Variants in G6PC2 observed in about 807,000 individuals in gnomAD.
The protein encoded by G6PC2 is glucose-6-phosphatase 2.
Under a neutral mutation model 35.4 loss-of-function variants are expected in G6PC2, and 41 were observed. The ratio of observed to expected loss-of-function variants is 1.16; its 90% confidence interval spans 0.90 to 1.50. The LOEUF (loss-of-function observed/expected upper bound fraction) is 1.50, where lower values mean the gene tolerates loss of function less well. G6PC2 is among the 40% of genes most tolerant of loss of function. The pLI, the probability that G6PC2 is intolerant of heterozygous loss-of-function variation, is 0.00. For missense variants in G6PC2, 441 were observed against 426.5 expected (o/e 1.03, Z -0.30); for synonymous variants, 165 against 153.2 (o/e 1.08, Z -0.57).
Position 168,908,587 on chromosome 2 carries a change from G to A in G6PC2, c.*508G>A, listed in dbSNP as rs577396416. ...GAAGCCTATTTAGGTAAAAGAACTT[G>A]CCTGGAGTCACGCCACCTTCAGAGC... On this transcript the variant is annotated 3_prime_UTR_variant, in exon 5 of 5. Coordinates refer to ENST00000375363, the MANE Select transcript of G6PC2 (RefSeq NM_021176.3). 2 of 198,054 alleles carry A rather than the reference G, an allele frequency of 1.0e-5. No individual in the cohort carries two copies. The highest frequency in any genetic ancestry group is 1.9e-4 in the South Asian group (2 of 10,590). The allele number at this position is 198,054 out of a possible 1,614,324, so 12.3% of individuals were successfully genotyped here.
chr2:168,904,463 A>G (rs1283196333), intron 2 of G6PC2, 42 bp from the exon 3 acceptor site: 1 of 969,600 alleles, frequency 1.0e-6, no homozygotes, highest in Non-Finnish European at 1.7e-6. Context: ...TGATCTTGAT[A>G]GTTAACCACT....
In G6PC2 at chr2:168,907,716, C is replaced by T. The variant is rs577070120; in HGVS notation, c.705C>T (p.Ser235=). ...TGCTCAACATTGACCTGCTGTGGTCCGTGCCCATAGCCAAAAAGTGGTGTG... is the reference window on the plus strand; with the variant it reads ...TGCTCAACATTGACCTGCTGTGGTCTGTGCCCATAGCCAAAAAGTGGTGTG... ...LRVLNIDLLW[S]VPIAKKWCAN... is the part of the protein sequence containing the mutation. The change falls in exon 5 of 5, where the codon TCC becomes TCT. Residue 235 remains serine, a synonymous_variant. Transcript: ENST00000375363. The T allele has an allele frequency of 4.9e-5, 79 of 1,614,008 alleles. 1 individual carries two copies. In the South Asian group the frequency reaches 6.6e-4, roughly 13 times the overall value.
rs987709434 is a variant in G6PC2, at chr2:168,909,753, C to T, written c.*1674C>T. 2 of 152,060 alleles carry T rather than the reference C, an allele frequency of 1.3e-5. No homozygotes were observed. Among genetic ancestry groups the T allele is most frequent in the African/African-American group, 2.4e-5 (1 of 41,370 alleles). The allele number at this position is 152,060 out of a possible 1,614,324, so 9.4% of individuals were successfully genotyped here. A position where few individuals can be genotyped will look rare whatever the true frequency, so the allele number is the denominator to read the frequency against. Reference sequence around the variant, plus strand: ...TGTAACTCTTCTCAGAATATCAATACATTAATTATTTTAGATGACATATTA... The same window carrying T: ...TGTAACTCTTCTCAGAATATCAATATATTAATTATTTTAGATGACATATTA... On this transcript the variant is annotated 3_prime_UTR_variant, in exon 5 of 5. Transcript: ENST00000375363.
intron 2 of G6PC2, among the ~76,000 whole-genome samples, 171 bp downstream of exon 2, chr2:168,902,725 A>C (rs1419580182): frequency 2.0e-5 from 3 of 152,240 alleles, no homozygotes; most frequent in Non-Finnish European, 4.4e-5. Context: ...AAAGCAAAAA[A>C]AATACTCAAA....
In G6PC2 at chr2:168,907,699, A is replaced by G. The variant is rs1313943901; in HGVS notation, c.688A>G (p.Ile230Val). Reference sequence around the variant, plus strand: ...TTACCTGCTTCTTAGGGTGCTCAACATTGACCTGCTGTGGTCCGTGCCCAT... The same window carrying G: ...TTACCTGCTTCTTAGGGTGCTCAACGTTGACCTGCTGTGGTCCGTGCCCAT... ...GFYLLLRVLN[I>V]DLLWSVPIAK... is the part of the protein sequence containing the mutation. Residue 230 changes from isoleucine (I) to valine (V), a missense_variant, in exon 5 of 5, where the codon ATT (isoleucine) becomes GTT (valine). Coordinates refer to ENST00000375363, the MANE Select transcript of G6PC2 (RefSeq NM_021176.3). 3.7e-6 allele frequency: 6 copies of G among 1,614,070 alleles called. No individual in the cohort carries two copies. The highest frequency in any genetic ancestry group is 3.3e-5 in the Admixed American group (2 of 60,016).
intron 2 of G6PC2, among the ~76,000 whole-genome samples, chr2:168,902,785 T>C (rs950553352): frequency 2.6e-5 from 4 of 152,184 alleles, no homozygotes; most frequent in South Asian, 4.1e-4. Flanking sequence ...ACTCCCCCAG[T>C]GATTAAATAT....
chr2:168,902,636 A>G (rs1690624941), intron 2 of G6PC2, 82 bp downstream of exon 2: 1 of 774,838 alleles, frequency 1.3e-6, no homozygotes, highest in South Asian at 1.4e-5. Context: ...AGGAACTGAT[A>G]TTATATAGGG....
intron 2 of G6PC2, among the ~76,000 whole-genome samples, chr2:168,903,871 T>C (rs1690653309): frequency 2.0e-5 from 3 of 152,258 alleles, no homozygotes; most frequent in Admixed American, 2.0e-4. Flanking sequence ...CTGCTAGGAT[T>C]AATGCCGTCT....
intron 1 of G6PC2, among the ~76,000 whole-genome samples, chr2:168,901,943 T>C (rs1164749778): frequency 1.3e-5 from 2 of 151,956 alleles, no homozygotes; most frequent in Non-Finnish European, 2.9e-5. Context: ...TCTATGTTGG[T>C]CAGGCTGGTC....
chr2:168,906,430 G>A (rs1015427751), intron 3 of G6PC2, among the ~76,000 whole-genome samples: 1 of 152,024 alleles, frequency 6.6e-6, no homozygotes, highest in Non-Finnish European at 1.5e-5. Context: ...TTAAATCTCA[G>A]TATATAGCAC....
In G6PC2 at chr2:168,906,626, C is replaced by A. The variant is rs539102106; in HGVS notation, c.441-38C>A. 45 of 999,724 alleles carry A rather than the reference C, an allele frequency of 4.5e-5. 1 individual carries two copies. The South Asian group carries it at 5.6e-4, about 12-fold the overall frequency. 61.9% of individuals were successfully genotyped at this position (999,724 alleles called of 1,614,324 possible). ...CCTCTAATTTTGAGTGATCCAGTTTCTTTGCTTTTTATGCTTGTATCTATT... is the reference window on the plus strand; with the variant it reads ...CCTCTAATTTTGAGTGATCCAGTTTATTTGCTTTTTATGCTTGTATCTATT... On this transcript the variant is annotated intron_variant, in intron 3 of 4. Coordinates refer to ENST00000375363, the MANE Select transcript of G6PC2 (RefSeq NM_021176.3).
rs947868999 is a variant in G6PC2 at position 168,907,598 on chromosome 2, C to T, written c.587C>T (p.Thr196Ile). 2.5e-6 allele frequency: 4 copies of T among 1,614,024 alleles called. No individual in the cohort carries two copies. Among genetic ancestry groups the T allele is most frequent in the Middle Eastern group, 3.3e-4 (2 of 6,058 alleles). Residue 196 changes from threonine to isoleucine, a missense_variant, in exon 5 of 5, where the codon ACT becomes ATT. Coordinates refer to ENST00000375363, the MANE Select transcript of G6PC2 (RefSeq NM_021176.3). The stretch of plus-strand genomic sequence containing the variant: ...CTGGTGGCAGAGGCCTTTGAACACA[C>T]TCCAGGCATCCAAACGGCCAGTCTG... ...GMLVAEAFEHTPGIQTASLGT... is the reference protein window; with the variant it reads ...GMLVAEAFEHIPGIQTASLGT...
intron 3 of G6PC2, among the ~76,000 whole-genome samples, chr2:168,905,118 T>G (rs1426491869): frequency 1.3e-5 from 2 of 152,180 alleles, no homozygotes; most frequent in Non-Finnish European, 2.9e-5. Context: ...ACTTTTTAAT[T>G]AAAAACATTC....
chr2:168,902,538 A>G lies in G6PC2; in HGVS notation c.312A>G (p.Thr104=). ...SSPCLEQFPT[T]CETGPGSPSG... is the part of the protein sequence containing the mutation. ...CATGCCTTGAACAGTTCCCTACTAC[A>G]TGTGAAACAGGTCCAGGTAAGCTAT... The change falls in exon 2 of 5, where the codon ACA becomes ACG. Residue 104 remains threonine (T), a synonymous_variant. Coordinates refer to ENST00000375363, the MANE Select transcript of G6PC2 (RefSeq NM_021176.3). 1 of 1,484,512 alleles carries G rather than the reference A, an allele frequency of 6.7e-7. No homozygotes were observed. The highest frequency in any genetic ancestry group is 9.4e-7 in the Non-Finnish European group (1 of 1,061,660). 92.0% of individuals were successfully genotyped at this position (1,484,512 alleles called of 1,614,324 possible). A position where few individuals can be genotyped will look rare whatever the true frequency, so the allele number is the denominator to read the frequency against.
chr2:168,906,676 A>C lies in G6PC2; in HGVS notation c.453A>C (p.Ser151=), dbSNP rs773371491. 1.3e-6 allele frequency: 2 copies of C among 1,571,364 alleles called. No individual in the cohort carries two copies. The highest frequency in any genetic ancestry group is 2.2e-5 in the South Asian group (2 of 90,236). The change falls in exon 4 of 5, where the codon TCA becomes TCC. Residue 151 remains serine (S), a synonymous_variant. Transcript: ENST00000375363. ...FSITLHRLTW[S]FLWSVFWLIQ... is the part of the protein sequence containing the mutation. The stretch of plus-strand genomic sequence containing the variant: ...TCTTCCATCGTAGACTGACCTGGTC[A>C]TTTCTTTGGAGTGTTTTTTGGTTGA...
In G6PC2 at chr2:168,908,075, A is replaced by T. The variant is rs765702651; in HGVS notation, c.1064A>T (p.Gln355Leu). ...ATGAAACAAAGCGGAAAGAAGAGTC[A>T]GTAGAGTGGTGCCTAGAGTTAGTGC... ...MLMKQSGKKS[Q>L] Residue 355 changes from glutamine (Q) to leucine (L), a missense_variant, in exon 5 of 5, where the codon CAG becomes CTG. Transcript: ENST00000375363. 2.5e-5 allele frequency: 40 copies of T among 1,612,586 alleles called. No individual in the cohort carries two copies. The South Asian group carries it at 4.4e-4, about 18-fold the overall frequency.
In G6PC2 at chr2:168,901,445, C is replaced by A. The variant is rs1228200574; in HGVS notation, c.114C>A (p.Ile38=). The change falls in exon 1 of 5, where the codon ATC becomes ATA. Residue 38 remains isoleucine, a synonymous_variant. Coordinates refer to ENST00000375363, the MANE Select transcript of G6PC2 (RefSeq NM_021176.3). The part of the protein sequence containing the change: ...FMSNVGDPRN[I]FFIYFPLCFQ... ...CCAATGTTGGAGACCCCAGGAATAT[C>A]TTTTTCATTTATTTTCCACTTTGTT... 1.3e-5 allele frequency: 20 copies of A among 1,596,554 alleles called. No homozygotes were observed. Among genetic ancestry groups the A allele is most frequent in the Admixed American group, 6.7e-5 (4 of 60,008 alleles).
chr2:168,907,563 C>T lies in G6PC2; in HGVS notation c.557-5C>T, dbSNP rs761371281. 1.9e-6 allele frequency: 3 copies of T among 1,613,868 alleles called. No homozygotes were observed. The East Asian group carries it at 6.7e-5, about 36-fold the overall frequency. On this transcript the variant is annotated splice_region_variant and splice_polypyrimidine_tract_variant and intron_variant, in intron 4 of 4. Coordinates refer to ENST00000375363, the MANE Select transcript of G6PC2 (RefSeq NM_021176.3). ...TCATTGTCAGTGTCTCTTTCCAATC[C>T]TCAGGCATGCTGGTGGCAGAGGCCT...
Position 168,902,565 on chromosome 2 carries a change from A to T in G6PC2, c.328+11A>T. The T allele has an allele frequency of 9.5e-7, 1 of 1,047,322 alleles. No homozygotes were observed. Among genetic ancestry groups the T allele is most frequent in the Non-Finnish European group, 1.5e-6 (1 of 661,738 alleles). 64.9% of individuals were successfully genotyped at this position (1,047,322 alleles called of 1,614,324 possible). ...GTGAAACAGGTCCAGGTAAGCTATT[A>T]CAGCAGGCTCCAGTTACTGAAGATC... is the stretch of plus-strand genomic sequence containing the variant. On this transcript the variant is annotated intron_variant, in intron 2 of 4. Transcript: ENST00000375363.
Sources: allele counts gnomAD v4.1 joint callset (sites outside exome capture counted in the v4.1 genomes callset), GRCh38; gene constraint gnomAD v4.1.1; transcripts MANE v1.5; gene names NCBI Gene and HGNC (gene_info 2026-07-23, HGNC 2026-07-21).